Variants in FAM210A observed in about 807,000 individuals in gnomAD.
FAM210A encodes mitochondrial inner membrane scaffold 1, also known as family with sequence similarity 210 member A.
A neutral mutation model predicts 25.3 loss-of-function variants in FAM210A; 13 were observed. The observed-to-expected ratio is 0.51, with a 90% confidence interval of 0.33 to 0.82. The LOEUF is 0.82. FAM210A is among the 40% of genes least tolerant of loss of function. The pLI is 0.02. For missense variants in FAM210A, 319 were observed against 323.2 expected (o/e 0.99, Z 0.10); for synonymous variants, 125 against 118.7 (o/e 1.05, Z -0.35).
chr18:13,717,773 G>C (rs952369837), intron 1 of FAM210A, among the ~76,000 whole-genome samples: 3 of 152,186 alleles, frequency 2.0e-5, no homozygotes, highest in Non-Finnish European at 4.4e-5. Flanking sequence ...GGTTTAAAAA[G>C]CAGTCTAACA....
intron 1 of FAM210A, among the ~76,000 whole-genome samples, chr18:13,717,532 C>T (rs1327016159): frequency 2.0e-5 from 3 of 151,920 alleles, no homozygotes; most frequent in Admixed American, 6.6e-5. Context: ...TTTGGACTTA[C>T]GTTGGTCAGC....
At chr18:13,693,462 T>G (rs530853299) in intron 1 of FAM210A, among the ~76,000 whole-genome samples, 2 of 152,188 alleles carry the variant, frequency 1.3e-5, no homozygotes, top group Non-Finnish European at 2.9e-5. Context: ...TTTAGACCAA[T>G]ATCCCTGATG....
intron 2 of FAM210A, among the ~76,000 whole-genome samples, chr18:13,677,413 C>A (rs933125716): frequency 2.0e-5 from 3 of 152,070 alleles, no homozygotes; most frequent in African/African-American, 4.8e-5. Flanking sequence ...AGGGGGTCCG[C>A]GTGAGAGGGT....
intron 1 of FAM210A, among the ~76,000 whole-genome samples, chr18:13,690,893 G>A (rs2043637861): frequency 6.6e-6 from 1 of 152,198 alleles, no homozygotes; most frequent in African/African-American, 2.4e-5. Flanking sequence ...GACAAAGCTG[G>A]ACGGAGAATG....
intron 1 of FAM210A, among the ~76,000 whole-genome samples, chr18:13,696,554 A>C (rs192628074): frequency 6.6e-6 from 1 of 152,334 alleles, no homozygotes; most frequent in Non-Finnish European, 1.5e-5. Context: ...CGGTGCCATA[A>C]GATAAAAGAG....
chr18:13,719,248 AG>A (rs2043881894), intron 1 of FAM210A, among the ~76,000 whole-genome samples: 1 of 116,252 alleles, frequency 8.6e-6, no homozygotes, highest in African/African-American at 3.2e-5. Flanking sequence ...CAAGAATTGC[AG>A]TATTTCAGAT....
At chr18:13,707,837 G>A (rs941517650) in intron 1 of FAM210A, among the ~76,000 whole-genome samples, 1 of 151,844 alleles carries the variant, frequency 6.6e-6, no homozygotes, top group Admixed American at 6.6e-5. Context: ...GGCAAACGCC[G>A]ACCTGTAACC....
At chr18:13,711,969 C>G (rs2043825247) in intron 1 of FAM210A, among the ~76,000 whole-genome samples, 1 of 152,146 alleles carries the variant, frequency 6.6e-6, no homozygotes, top group Non-Finnish European at 1.5e-5. Context: ...AGCAATTTAT[C>G]AAGTCTCCTA....
intron 1 of FAM210A, among the ~76,000 whole-genome samples, chr18:13,708,965 A>G (rs999720413): frequency 7.2e-5 from 11 of 152,208 alleles, no homozygotes; most frequent in African/African-American, 2.4e-4. Context: ...TTCCACAGCC[A>G]CATCTCAATA....
Position 13,696,636 on chromosome 18 carries a change from G to C in FAM210A, c.-28-14531C>G, listed in dbSNP as rs189239959. Among the ~76,000 whole-genome samples, 4 of 152,298 alleles carry C rather than the reference G, an allele frequency of 2.6e-5. No homozygotes were observed. In the East Asian group the frequency reaches 7.7e-4, roughly 29 times the overall value. Reference sequence around the variant, plus strand: ...GTGATGATGGTGGAGGTAGAAGACAGTGATACTGATGATCCTGCCCCTGGG... The same window carrying C: ...GTGATGATGGTGGAGGTAGAAGACACTGATACTGATGATCCTGCCCCTGGG... On this transcript the variant is annotated intron_variant, in intron 1 of 3. Coordinates refer to ENST00000651643, the MANE Select transcript of FAM210A (RefSeq NM_152352.4).
chr18:13,725,417 A>G (rs1212865424), intron 1 of FAM210A, among the ~76,000 whole-genome samples: 2 of 152,210 alleles, frequency 1.3e-5, no homozygotes, highest in Non-Finnish European at 2.9e-5. Flanking sequence ...TTTAGAAGTG[A>G]TTAGATTGGA....
chr18:13,711,167 T>C (rs1337163166), intron 1 of FAM210A, among the ~76,000 whole-genome samples: 2 of 151,662 alleles, frequency 1.3e-5, no homozygotes, highest in Non-Finnish European at 2.9e-5. Context: ...AGGTCAGGAG[T>C]TCGAGACCAG....
At chr18:13,674,126 C>G (rs1376190591) in intron 2 of FAM210A, among the ~76,000 whole-genome samples, 1 of 145,374 alleles carries the variant, frequency 6.9e-6, no homozygotes, top group African/African-American at 2.5e-5. Flanking sequence ...ATTAACATTC[C>G]TGAGCCCAGG....
At chr18:13,677,935 G>C (rs1266865315) in intron 2 of FAM210A, among the ~76,000 whole-genome samples, 4 of 152,132 alleles carry the variant, frequency 2.6e-5, no homozygotes, top group Non-Finnish European at 5.9e-5. Flanking sequence ...AGATATGGCT[G>C]ATCATCCTCA....
intron 3 of FAM210A, 127 bp from the exon 4 acceptor site, chr18:13,666,840 G>T: frequency 1.3e-6 from 1 of 755,800 alleles, no homozygotes; most frequent in Non-Finnish European, 2.1e-6. Flanking sequence ...GTTTCACAAA[G>T]CTAATGTAGT....
intron 1 of FAM210A, among the ~76,000 whole-genome samples, chr18:13,707,991 T>G (rs1446416034): frequency 6.6e-6 from 1 of 152,198 alleles, no homozygotes; most frequent in African/African-American, 2.4e-5. Flanking sequence ...AATTTGCGAA[T>G]AGTTCATTGC....
At chr18:13,716,503 G>A (rs1202021376) in intron 1 of FAM210A, among the ~76,000 whole-genome samples, 5 of 152,294 alleles carry the variant, frequency 3.3e-5, no homozygotes, top group East Asian at 3.9e-4. Context: ...AACTGGGGGT[G>A]AGCAAGGAAA....
At chr18:13,724,250 G>A (rs1413369889) in intron 1 of FAM210A, among the ~76,000 whole-genome samples, 1 of 152,088 alleles carries the variant, frequency 6.6e-6, no homozygotes, top group African/African-American at 2.4e-5. Flanking sequence ...CTATTTGCTA[G>A]GCAACGTCCA....
chr18:13,704,362 A>G (rs571043784), intron 1 of FAM210A, among the ~76,000 whole-genome samples: 3 of 152,296 alleles, frequency 2.0e-5, no homozygotes, highest in Non-Finnish European at 4.4e-5. Flanking sequence ...ACTAAACTTA[A>G]AGGGGTGTTA....
Sources: allele counts gnomAD v4.1 joint callset (sites outside exome capture counted in the v4.1 genomes callset), GRCh38; gene constraint gnomAD v4.1.1; transcripts MANE v1.5; gene names NCBI Gene and HGNC (gene_info 2026-07-23, HGNC 2026-07-21).